GRID2: variants seen among roughly 807,000 people sequenced by gnomAD.
The protein encoded by GRID2 is glutamate receptor ionotropic, delta-2.
A neutral mutation model predicts 114.8 loss-of-function variants in GRID2; 33 were observed. The ratio of observed to expected loss-of-function variants is 0.29; its 90% CI spans 0.22 to 0.38. GRID2 has a LOEUF of 0.38. GRID2 is among the 10% of genes least tolerant of loss of function. The probability of loss-of-function intolerance (pLI) is 1.00; values close to 1 mark genes in which losing one functional copy is unlikely to be tolerated. For missense variants in GRID2, 1,184 were observed against 1,257.7 expected, an observed-to-expected ratio of 0.94 and a Z score of 0.89; for synonymous variants, 505 against 449.9, an observed-to-expected ratio of 1.12 and a Z score of -1.55.
At chr4:92,330,023 G>GAGAGAGAGAGAGAGAGAGAGAA (rs1726800264) in intron 1 of GRID2, among the ~76,000 whole-genome samples, 1 of 150,012 alleles carries the variant, frequency 6.7e-6, no homozygotes, top group Non-Finnish European at 1.5e-5. Context: ...GAGAGAGAGA[G>GAGAGAGAGAGAGAGAGAGAGAA]AGAAACATGC....
intron 8 of GRID2, among the ~76,000 whole-genome samples, chr4:93,247,820 C>G (rs12647725): frequency 1.3e-5 from 2 of 151,760 alleles, no homozygotes; most frequent in African/African-American, 4.8e-5. Context: ...TATCTTACCA[C>G]GTTTGAGGGA....
At chr4:93,097,780 T>C (rs1442381474) in intron 3 of GRID2, among the ~76,000 whole-genome samples, 1 of 151,904 alleles carries the variant, frequency 6.6e-6, no homozygotes, top group Non-Finnish European at 1.5e-5. Flanking sequence ...TTTTAGACAT[T>C]GGACATTTCT....
At chr4:93,096,985 T>C (rs12501595) in intron 3 of GRID2, among the ~76,000 whole-genome samples, 1 of 151,994 alleles carries the variant, frequency 6.6e-6, no homozygotes, top group Admixed American at 6.6e-5. Context: ...TAATGAACTA[T>C]TGAAATATGA....
At chr4:93,478,542 T>C (rs1725542957) in intron 11 of GRID2, among the ~76,000 whole-genome samples, 1 of 151,456 alleles carries the variant, frequency 6.6e-6, no homozygotes, top group African/African-American at 2.4e-5. Flanking sequence ...ATAAAAGAAT[T>C]CTATTAATTT....
At chr4:92,664,819 A>G (rs1196575068) in intron 2 of GRID2, among the ~76,000 whole-genome samples, 2 of 151,018 alleles carry the variant, frequency 1.3e-5, no homozygotes. Context: ...TTTAATGTCC[A>G]TATTTTCTGA....
chr4:92,881,066 C>A (rs1006560953), intron 2 of GRID2, among the ~76,000 whole-genome samples: 1 of 152,120 alleles, frequency 6.6e-6, no homozygotes, highest in African/African-American at 2.4e-5. Context: ...CCATGCCCCG[C>A]TAATTTTTGT....
chr4:92,776,458 A>G (rs2149355586), intron 2 of GRID2, among the ~76,000 whole-genome samples: 1 of 152,130 alleles, frequency 6.6e-6, no homozygotes, highest in African/African-American at 2.4e-5. Flanking sequence ...CTACCCACAC[A>G]GAAGGGTCGG....
At chr4:93,682,615 G>C (rs1042680326) in intron 14 of GRID2, among the ~76,000 whole-genome samples, 1 of 152,110 alleles carries the variant, frequency 6.6e-6, no homozygotes, top group Non-Finnish European at 1.5e-5. Context: ...AAAATGATGA[G>C]TTCATGTCCT....
In GRID2 at chr4:93,671,291, C is replaced by T. The variant is rs187187437; in HGVS notation, c.2360+44856C>T. Among the ~76,000 whole-genome samples, 9 of 152,228 alleles carry T rather than the reference C, an allele frequency of 5.9e-5. No homozygotes were observed. In the East Asian group the frequency reaches 1.7e-3, roughly 29 times the overall value. ...CCCTTGGTGTAAATGGAGGGATTTC[C>T]CTTAATCATTTCAGCCTGAGAAAGT... On this transcript the variant is annotated intron_variant, in intron 14 of 15. Coordinates refer to ENST00000282020, the MANE Select transcript of GRID2 (RefSeq NM_001510.4).
intron 2 of GRID2, among the ~76,000 whole-genome samples, chr4:92,678,052 T>A (rs1316780603): frequency 6.6e-6 from 1 of 152,146 alleles, no homozygotes; most frequent in Non-Finnish European, 1.5e-5. Flanking sequence ...GCACTCATTA[T>A]GTCCTGTCCT....
chr4:93,102,206 C>T (rs1453265295), intron 3 of GRID2, among the ~76,000 whole-genome samples: 1 of 152,166 alleles, frequency 6.6e-6, no homozygotes, highest in African/African-American at 2.4e-5. Flanking sequence ...GACATGTTGG[C>T]TCCTGCAATC....
At chr4:92,477,039 ATGTGTGTGTGTGTGTGTGTGTGTG>A (rs70940894) in intron 1 of GRID2, among the ~76,000 whole-genome samples, 185 of 119,560 alleles carry the variant, frequency 1.5e-3, no homozygotes, top group African/African-American at 4.8e-3. Flanking sequence ...ATTTAACTTC[ATGTGTGTGTGTGTGTGTGTGTGTG>A]TGTGTGTGTG....
At chr4:92,978,544 T>C (rs1204480241) in intron 2 of GRID2, among the ~76,000 whole-genome samples, 6 of 152,128 alleles carry the variant, frequency 3.9e-5, no homozygotes, top group Non-Finnish European at 8.8e-5. Context: ...TTTCAAGACC[T>C]CTAATGGTCT....
At chr4:92,930,132 T>C (rs1236199028) in intron 2 of GRID2, among the ~76,000 whole-genome samples, 1 of 151,246 alleles carries the variant, frequency 6.6e-6, no homozygotes, top group African/African-American at 2.4e-5. Flanking sequence ...TCACACAAAG[T>C]AAATGACTTA....
At position 92,658,097 on chromosome 4, in the gene GRID2, A is replaced by C. The variant is rs1438701884; in HGVS notation, c.244+67811A>C. Among the ~76,000 whole-genome samples the C allele has an allele frequency of 2.6e-5, 4 of 151,812 alleles. 1 individual carries two copies. Among genetic ancestry groups the C allele is most frequent in the Non-Finnish European group, 5.9e-5 (4 of 67,812 alleles). On this transcript the variant is annotated intron_variant, in intron 2 of 15. Coordinates refer to ENST00000282020, the MANE Select transcript of GRID2 (RefSeq NM_001510.4). ...AAATGGAGCTTCAGCCCTTATAAGTAAGAAATATTAAAACAATTAAATATA... is the reference window on the plus strand; with the variant it reads ...AAATGGAGCTTCAGCCCTTATAAGTCAGAAATATTAAAACAATTAAATATA...
rs757582319 is a variant in GRID2 at position 93,422,898 on chromosome 4, C to T, written c.1475C>T (p.Pro492Leu). 1.4e-5 allele frequency: 23 copies of T among 1,613,294 alleles called. 1 individual carries two copies. Among genetic ancestry groups the T allele is most frequent in the Admixed American group, 3.3e-5 (2 of 59,980 alleles). Residue 492 changes from proline (P) to leucine (L), a missense_variant, in exon 10 of 16, where the codon CCG (proline) becomes CTG (leucine). Transcript: ENST00000282020. ...TTTAACTACGAAATTTACGTAGCAC[C>T]GGATCACAAATACGGAAGCCCACAA... Reference protein sequence around the residue: ...LGFNYEIYVAPDHKYGSPQED... With the variant: ...LGFNYEIYVALDHKYGSPQED...
chr4:92,365,284 A>T (rs1378683740), intron 1 of GRID2, among the ~76,000 whole-genome samples: 2 of 152,072 alleles, frequency 1.3e-5, no homozygotes, highest in Non-Finnish European at 2.9e-5. Flanking sequence ...ATACATAGTG[A>T]AATATCATGT....
intron 2 of GRID2, among the ~76,000 whole-genome samples, chr4:92,799,047 C>T (rs1370282087): frequency 1.3e-5 from 2 of 151,892 alleles, no homozygotes; most frequent in African/African-American, 2.4e-5. Flanking sequence ...TAGATGGTTT[C>T]AGTGTGATTC....
chr4:92,499,044 A>G (rs1050855362), intron 1 of GRID2, among the ~76,000 whole-genome samples: 2 of 151,858 alleles, frequency 1.3e-5, no homozygotes, highest in South Asian at 2.1e-4. Context: ...CAATCTTAAT[A>G]TAAGTATTTA....
Sources: gnomAD v4.1 joint callset for allele counts (sites outside exome capture counted in the v4.1 genomes callset) on GRCh38, gnomAD v4.1.1 for gene constraint, MANE v1.5 for transcripts, NCBI Gene and HGNC (gene_info 2026-07-23, HGNC 2026-07-21) for gene names.